Variants in DYSF observed in about 807,000 individuals in gnomAD.
DYSF encodes the protein dystrophy-associated fer-1-like 1.
A neutral mutation model predicts 274.9 loss-of-function variants in DYSF; 212 were observed. The ratio of observed to expected loss-of-function variants is 0.77; its 90% CI spans 0.69 to 0.86. The LOEUF (loss-of-function observed/expected upper bound fraction) is 0.86. Among genes scored for constraint, DYSF ranks in the 40% least tolerant of loss-of-function variants. The pLI, the probability that DYSF is intolerant of heterozygous loss-of-function variation, is 0.00. For synonymous variants in DYSF, 1,091 were observed against 1,078.7 expected (o/e 1.01, Z -0.22); for missense variants, 2,666 against 2,783.2 (o/e 0.96, Z 0.95).
intron 1 of DYSF, among the ~76,000 whole-genome samples, chr2:71,480,392 A>G (rs1451606181): frequency 6.6e-6 from 1 of 151,628 alleles, no homozygotes; most frequent in Non-Finnish European, 1.5e-5. Flanking sequence ...ACGCACACAC[A>G]CACACATACA....
intron 42 of DYSF, 56 bp from the exon 43 acceptor site, chr2:71,656,106 G>C (rs932922329): frequency 5.6e-6 from 9 of 1,607,434 alleles, no homozygotes; most frequent in Non-Finnish European, 7.7e-6. Context: ...TTCCTTTGCT[G>C]TTGTTCTACT....
Position 71,665,289 on chromosome 2 carries a change from T to C in DYSF, c.5302T>C (p.Ser1768Pro), listed in dbSNP as rs775226458. 1 of 1,614,064 alleles carries C rather than the reference T, an allele frequency of 6.2e-7. No homozygotes were observed. ...DRVMFQDKEY[S>P]IEEIEAGRIP... ...TGTAATGTTTCAGGATAAAGAATAT[T>C]CCATTGAAGAGATAGGTGAGCTGCC... The change falls in exon 47 of 56, where the codon TCC (serine) becomes CCC (proline). Residue 1768 changes from serine to proline, a missense_variant. Coordinates refer to ENST00000410020, the MANE Select transcript of DYSF (RefSeq NM_001130987.2).
intron 41 of DYSF, 72 bp from the exon 42 acceptor site, chr2:71,643,893 G>A (rs2094526210): frequency 8.0e-7 from 1 of 1,256,020 alleles, no homozygotes; most frequent in Admixed American, 2.0e-5. Context: ...CGGAGGGAGG[G>A]TTTCCAACTC....
intron 1 of DYSF, among the ~76,000 whole-genome samples, chr2:71,470,032 T>G (rs2081864610): frequency 6.6e-6 from 1 of 152,238 alleles, no homozygotes; most frequent in Non-Finnish European, 1.5e-5. Context: ...CCTACTGCTT[T>G]AAAGCTGAAA....
chr2:71,581,617 T>C (rs2092901407), intron 30 of DYSF, among the ~76,000 whole-genome samples: 1 of 152,226 alleles, frequency 6.6e-6, no homozygotes. Flanking sequence ...CTTTGAGCTC[T>C]GATGGGGTAG....
At chr2:71,508,197 G>A (rs961318929) in intron 4 of DYSF, among the ~76,000 whole-genome samples, 2 of 152,204 alleles carry the variant, frequency 1.3e-5, no homozygotes, top group African/African-American at 4.8e-5. Flanking sequence ...GGTACAAAGA[G>A]TATTTTGTCC....
chr2:71,515,177 G>A (rs1180104551), intron 7 of DYSF, among the ~76,000 whole-genome samples: 2 of 152,180 alleles, frequency 1.3e-5, no homozygotes, highest in African/African-American at 4.8e-5. Context: ...TTCTCAGAAT[G>A]TAAGAAAGCA....
chr2:71,615,924 T>C lies in DYSF; in HGVS notation c.4464+2514T>C, dbSNP rs1026760623. Among the ~76,000 whole-genome samples, 3 of 152,214 alleles carry C rather than the reference T, an allele frequency of 2.0e-5. No individual in the cohort carries two copies. The highest frequency in any genetic ancestry group is 6.5e-5 in the Admixed American group (1 of 15,284). On this transcript the variant is annotated intron_variant, in intron 40 of 55. Transcript: ENST00000410020. The surrounding 1 kb of genome is among the most constrained non-coding windows in gnomAD (Gnocchi z 4.9). ...CCTGGCTGGTGCTGGATGTGTTCAC[T>C]GTGTCCTGGCTGTGGTCCTAGGACC... is the stretch of plus-strand genomic sequence containing the variant.
chr2:71,568,330 G>T lies in DYSF; in HGVS notation c.2856G>T (p.Pro952=). ...GGGCTGGAGATTGGTTCGTGTGTCC[G>T]GAGAAGACGTGAGTCGTGGGCAGGG... is the stretch of plus-strand genomic sequence containing the variant. ...WTWAGDWFVC[P]EKTLLHDMDA... The change falls in exon 26 of 56, where the codon CCG becomes CCT. Residue 952 remains proline (P), a synonymous_variant. Coordinates refer to ENST00000410020, the MANE Select transcript of DYSF (RefSeq NM_001130987.2). The T allele has an allele frequency of 1.2e-6, 2 of 1,614,088 alleles. No individual in the cohort carries two copies. The highest frequency in any genetic ancestry group is 1.7e-6 in the Non-Finnish European group (2 of 1,179,968).
chr2:71,627,255 A>G (rs2094223641), intron 41 of DYSF, among the ~76,000 whole-genome samples: 1 of 151,832 alleles, frequency 6.6e-6, no homozygotes, highest in South Asian at 2.1e-4. Context: ...CTACTGCTTT[A>G]TGCATCCTGT....
At chr2:71,533,686 C>A (rs2088994773) in intron 14 of DYSF, among the ~76,000 whole-genome samples, 1 of 152,208 alleles carries the variant, frequency 6.6e-6, no homozygotes, top group Non-Finnish European at 1.5e-5. Context: ...TACATAGTGG[C>A]CAATTGTCCT....
chr2:71,668,826 C>T lies in DYSF; in HGVS notation c.5530C>T (p.Pro1844Ser). The change falls in exon 49 of 56, where the codon CCA becomes TCA. Residue 1844 changes from proline to serine, a missense_variant. Coordinates refer to ENST00000410020, the MANE Select transcript of DYSF (RefSeq NM_001130987.2). ...GRPGPPFNITPRRARRFFLRC... is the reference protein window; with the variant it reads ...GRPGPPFNITSRRARRFFLRC... ...GCCTGGACCTCCCTTCAACATCACC[C>T]CACGGAGAGCCAGAAGGTGACTTGC... is the stretch of plus-strand genomic sequence containing the variant. The T allele has an allele frequency of 1.2e-6, 2 of 1,613,432 alleles. No individual in the cohort carries two copies. Among genetic ancestry groups the T allele is most frequent in the Non-Finnish European group, 1.7e-6 (2 of 1,179,840 alleles).
chr2:71,671,677 A>C (rs1310690392), intron 51 of DYSF, among the ~76,000 whole-genome samples: 1 of 152,218 alleles, frequency 6.6e-6, no homozygotes, highest in Non-Finnish European at 1.5e-5. Flanking sequence ...AGGGAGGGAC[A>C]CAGAGAGATG....
chr2:71,461,006 G>A (rs11126332), intron 1 of DYSF, among the ~76,000 whole-genome samples: 40,139 of 151,494 alleles, frequency 0.26, 5,763 homozygotes, highest in African/African-American at 0.39. Context: ...CCTCTAGGGG[G>A]CAGTACTATC....
At position 71,660,635 on chromosome 2, in the gene DYSF, G is replaced by A; in HGVS notation, c.4987G>A (p.Glu1663Lys). Residue 1663 changes from glutamate to lysine, a missense_variant, in exon 45 of 56, where the codon GAG (glutamate) becomes AAG (lysine). Coordinates refer to ENST00000410020, the MANE Select transcript of DYSF (RefSeq NM_001130987.2). ...DQDNYIPCTL[E>K]PVFGKMFELT... is the part of the protein sequence containing the mutation. ...GGATAACTACATCCCCTGCACGCTG[G>A]AGCCCGTATTTGGAAAGTAAATTGG... is the stretch of plus-strand genomic sequence containing the variant. The A allele has an allele frequency of 6.2e-7, 1 of 1,614,054 alleles. No individual in the cohort carries two copies. Among genetic ancestry groups the A allele is most frequent in the Non-Finnish European group, 8.5e-7 (1 of 1,179,906 alleles).
chr2:71,520,088 T>C (rs2152741238), intron 10 of DYSF, 90 bp from the exon 11 acceptor site: 3 of 1,484,498 alleles, frequency 2.0e-6, no homozygotes, highest in Admixed American at 1.7e-5. Context: ...TTCAAAAACA[T>C]GGTTTTTAAT....
In DYSF at chr2:71,528,391, C is replaced by T. The variant is rs146588926; in HGVS notation, c.1370C>T (p.Ala457Val). 3.0e-5 allele frequency: 48 copies of T among 1,613,630 alleles called. No homozygotes were observed. The highest frequency in any genetic ancestry group is 2.5e-4 in the African/African-American group (19 of 75,028). The change falls in exon 14 of 56, where the codon GCG (alanine) becomes GTG (valine). Residue 457 changes from alanine to valine, a missense_variant. By Grantham distance (64) the Ala-to-Val change is moderately conservative (BLOSUM62 0). Around this residue, in one of 3 missense-constraint regions of DYSF, gnomAD observed 794 missense variants for 777.1 expected, o/e 1.02. Coordinates refer to ENST00000410020, the MANE Select transcript of DYSF (RefSeq NM_001130987.2). The stretch of plus-strand genomic sequence containing the variant: ...GACCCCTTTGTGGAGGTCAGCTTTG[C>T]GGGGAAAATGGTAAGGAGCAAGGGA... ...LVDPFVEVSF[A>V]GKMLCSKILE...
Position 71,662,026 on chromosome 2 carries a change from C to G in DYSF, c.5003+1375C>G, listed in dbSNP as rs3791826. On this transcript the variant is annotated intron_variant, in intron 45 of 55. Transcript: ENST00000410020. ...CAGGGCCTGTTCCACAGTGGGTGGG[C>G]GTGTGTCAGGACTCAGGGGAGATAG... 0.84 allele frequency among the ~76,000 whole-genome samples: 128,288 copies of G among 152,134 alleles called. 54,219 individuals are homozygous for G. Among genetic ancestry groups the G allele is most frequent in the Middle Eastern group, 0.9 (266 of 294 alleles).
intron 1 of DYSF, among the ~76,000 whole-genome samples, chr2:71,456,762 G>A (rs2081082674): frequency 6.6e-6 from 1 of 152,008 alleles, no homozygotes; most frequent in Non-Finnish European, 1.5e-5. Context: ...GTCACATAGT[G>A]GCCACAGCAT....
Sources: allele counts gnomAD v4.1 joint callset (sites outside exome capture counted in the v4.1 genomes callset), GRCh38; gene constraint gnomAD v4.1.1; regional missense constraint gnomAD v4.1.1; non-coding constraint Gnocchi (gnomAD v3.1); transcripts MANE v1.5; gene names NCBI Gene and HGNC (gene_info 2026-07-23, HGNC 2026-07-21).